ACAN: variants seen among roughly 807,000 people sequenced by gnomAD.
ACAN encodes the protein aggrecan.
In ACAN, 47 loss-of-function variants were observed where a neutral mutation model predicts 169.1. That is an observed-to-expected ratio of 0.28 (90% CI 0.22 to 0.35). The LOEUF (loss-of-function observed/expected upper bound fraction) is 0.35. Ranked by LOEUF, ACAN falls within the 10% of genes least tolerant of loss-of-function variation. ACAN has a pLI of 1.00. For synonymous variants in ACAN, 1,115 were observed against 1,112.2 expected, an observed-to-expected ratio of 1.00 and a Z score of -0.05; for missense variants, 2,716 against 2,759.9, an observed-to-expected ratio of 0.98 and a Z score of 0.36.
Position 88,840,175 on chromosome 15 carries a change from C to T in ACAN, c.618C>T (p.Asp206=). The change falls in exon 4 of 19, where the codon GAC becomes GAT. Residue 206 remains aspartate, a synonymous_variant. Coordinates refer to ENST00000560601, the MANE Select transcript of ACAN (RefSeq NM_001369268.1). ...FHQCDAGWLA[D]QTVRYPIHTP... is the part of the protein sequence containing the mutation. ...AGTGTGACGCCGGCTGGCTGGCTGACCAGACTGTCAGGTGAGCCCTAGCCC... is the reference window on the plus strand; with the variant it reads ...AGTGTGACGCCGGCTGGCTGGCTGATCAGACTGTCAGGTGAGCCCTAGCCC... 6.3e-7 allele frequency: 1 copy of T among 1,598,384 alleles called. No homozygotes were observed. The highest frequency in any genetic ancestry group is 1.1e-5 in the South Asian group (1 of 88,450).
rs1229935436 is a variant in ACAN at position 88,845,581 on chromosome 15, C to G, written c.1128C>G (p.Thr376=). The change falls in exon 7 of 19, where the codon ACC becomes ACG. Residue 376 remains threonine, a synonymous_variant. Transcript: ENST00000560601. ...AGGACATCACCGTCCAGACAGTGAC[C>G]TGGCCTGACATGGAGCTGCCACTGC... is the stretch of plus-strand genomic sequence containing the variant. ...GEEDITVQTV[T]WPDMELPLPR... is the part of the protein sequence containing the mutation. 5.6e-6 allele frequency: 9 copies of G among 1,613,900 alleles called. No homozygotes were observed. Among genetic ancestry groups the G allele is most frequent in the Non-Finnish European group, 7.6e-6 (9 of 1,179,914 alleles).
chr15:88,860,045 G>C (rs888720052), intron 12 of ACAN, among the ~76,000 whole-genome samples: 12 of 150,940 alleles, frequency 8.0e-5, no homozygotes, highest in Non-Finnish European at 1.2e-4. Flanking sequence ...GCCGGGCAGC[G>C]GGCACTGGTA....
intron 1 of ACAN, among the ~76,000 whole-genome samples, chr15:88,805,730 A>G (rs1895663387): frequency 6.6e-6 from 1 of 152,212 alleles, no homozygotes; most frequent in Admixed American, 6.5e-5. Context: ...TACTATTATC[A>G]TTCTTAATTC....
At position 88,871,212 on chromosome 15, in the gene ACAN, G is replaced by A. The variant is rs1332840081; in HGVS notation, c.7061-170G>A. Among the ~76,000 whole-genome samples, 1 of 152,140 alleles carries A rather than the reference G, an allele frequency of 6.6e-6. No homozygotes were observed. The highest frequency in any genetic ancestry group is 1.5e-5 in the Non-Finnish European group (1 of 68,020). On this transcript the variant is annotated intron_variant, in intron 14 of 18. Transcript: ENST00000560601. This position sits in a 1 kb window ranked among gnomAD's most constrained non-coding sequence, Gnocchi z 7.8. Reference sequence around the variant, plus strand: ...TGGAAGCATGTGCAGAGGCTCCCAGGGACCAGACCAGTTTCCAACCTGAAC... The same window carrying A: ...TGGAAGCATGTGCAGAGGCTCCCAGAGACCAGACCAGTTTCCAACCTGAAC...
At position 88,871,655 on chromosome 15, in the gene ACAN, G is replaced by A; in HGVS notation, c.7219+115G>A. The A allele has an allele frequency of 7.4e-7, 1 of 1,355,438 alleles. No homozygotes were observed. Among genetic ancestry groups the A allele is most frequent in the Non-Finnish European group, 9.9e-7 (1 of 1,008,312 alleles). The allele number at this position is 1,355,438 out of a possible 1,614,324, so 84.0% of individuals were successfully genotyped here. ...CGTGAGACTGCAGGACAGGGACCTG[G>A]GGGAGGGGGAACAGTGTTCCCACAG... On this transcript the variant is annotated intron_variant, in intron 15 of 18. Transcript: ENST00000560601. This position sits in a 1 kb window ranked among gnomAD's most constrained non-coding sequence, Gnocchi z 7.8.
chr15:88,829,879 T>C (rs1353635648), intron 1 of ACAN, among the ~76,000 whole-genome samples: 1 of 152,222 alleles, frequency 6.6e-6, no homozygotes, highest in Non-Finnish European at 1.5e-5. Context: ...ATTTAAGACT[T>C]GATTTTCAAA....
In ACAN at chr15:88,866,723, T is replaced by A. The variant is rs1402240105; in HGVS notation, c.6947-1493T>A. 6.6e-6 allele frequency among the ~76,000 whole-genome samples: 1 copy of A among 152,218 alleles called. No individual in the cohort carries two copies. The highest frequency in any genetic ancestry group is 1.5e-5 in the Non-Finnish European group (1 of 68,040). On this transcript the variant is annotated intron_variant, in intron 13 of 18. Coordinates refer to ENST00000560601, the MANE Select transcript of ACAN (RefSeq NM_001369268.1). The surrounding 1 kb of genome is among the most constrained non-coding windows in gnomAD (Gnocchi z 5.6). ...ATCCGCCTCTGGCCTAGAAGATGTC[T>A]ACTATGCACCAGCGTAAGGACTCAG...
intron 7 of ACAN, among the ~76,000 whole-genome samples, chr15:88,846,838 A>G (rs1433523678): frequency 2.0e-5 from 3 of 152,234 alleles, no homozygotes; most frequent in Non-Finnish European, 4.4e-5. Flanking sequence ...CAGAAGCCAC[A>G]TAGCCCACAA....
chr15:88,804,177 T>A (rs972206173), intron 1 of ACAN, among the ~76,000 whole-genome samples: 2 of 152,184 alleles, frequency 1.3e-5, no homozygotes, highest in African/African-American at 4.8e-5. Context: ...GAATGTGGGT[T>A]CAAATCCCCG....
chr15:88,817,849 G>GAAAAAAAAA (rs10710630), intron 1 of ACAN, among the ~76,000 whole-genome samples: 65 of 73,368 alleles, frequency 8.9e-4, no homozygotes, highest in African/African-American at 1.1e-3. Context: ...GTGAGACTCT[G>GAAAAAAAAA]AAAAAAAAAA....
chr15:88,864,227 C>T (rs1897246883), intron 13 of ACAN, among the ~76,000 whole-genome samples: 1 of 151,014 alleles, frequency 6.6e-6, no homozygotes, highest in African/African-American at 2.4e-5. Context: ...CTTTAAAATA[C>T]AAAAGATTTG....
rs757896854 is a variant in ACAN, at chr15:88,860,333, C to T, written c.6840C>T (p.Ala2280=). Residue 2280 remains alanine (A), a synonymous_variant, in exon 13 of 19, where the codon GCC becomes GCT. Coordinates refer to ENST00000560601, the MANE Select transcript of ACAN (RefSeq NM_001369268.1). ...RESESTAAAP[A]RSCAEEPCGA... ...CTCCCCTGGGGGTTGCAGCCCCCGC[C>T]AGGTCCTGTGCAGAGGAGCCCTGTG... 28 of 1,610,626 alleles carry T rather than the reference C, an allele frequency of 1.7e-5. No homozygotes were observed. The highest frequency in any genetic ancestry group is 2.3e-5 in the Non-Finnish European group (27 of 1,178,736).
rs1051651391 is a variant in ACAN at position 88,803,721 on chromosome 15, A to C, written c.-96A>C. 2 of 152,032 alleles carry C rather than the reference A, an allele frequency of 1.3e-5. No homozygotes were observed. Among genetic ancestry groups the C allele is most frequent in the Non-Finnish European group, 2.9e-5 (2 of 68,076 alleles). The allele number at this position is 152,032 out of a possible 1,614,324, so 9.4% of individuals were successfully genotyped here. ...AGCGTCTCCCTCGCTACGCAGCGAG[A>C]CCCGGGCCTCCCGGCCCCAGGAGCC... On this transcript the variant is annotated 5_prime_UTR_variant, in exon 1 of 19. Coordinates refer to ENST00000560601, the MANE Select transcript of ACAN (RefSeq NM_001369268.1).
Position 88,870,176 on chromosome 15 carries a change from T to C in ACAN, c.7061-1206T>C, listed in dbSNP as rs1897348677. On this transcript the variant is annotated intron_variant, in intron 14 of 18. Coordinates refer to ENST00000560601, the MANE Select transcript of ACAN (RefSeq NM_001369268.1). The surrounding 1 kb of genome is among the most constrained non-coding windows in gnomAD (Gnocchi z 6.3). ...TCAAGCTGCTGACCCCCTGTTCTGC[T>C]CTCCCTCCACTGTCCCCAACTGTCT... Among the ~76,000 whole-genome samples the C allele has an allele frequency of 6.6e-6, 1 of 152,030 alleles. No individual in the cohort carries two copies. The highest frequency in any genetic ancestry group is 1.5e-5 in the Non-Finnish European group (1 of 68,006).
At position 88,854,997 on chromosome 15, in the gene ACAN, ACCATTCCCCTCAGTGAGG is replaced by A. The variant is rs1897015618; in HGVS notation, c.2428_2445del (p.Arg810_Val815del). ...CAGAGGAGCCATCCCCCTCAGAGGAACCATTCCCCTCAGTGAGGCCATTCCCCTCAGTGGAGCTGTTCC... is the reference window on the plus strand; with the variant it reads ...CAGAGGAGCCATCCCCCTCAGAGGAACCATTCCCCTCAGTGGAGCTGTTCC... On this transcript the variant is annotated inframe_deletion, in exon 12 of 19. Coordinates refer to ENST00000560601, the MANE Select transcript of ACAN (RefSeq NM_001369268.1). The A allele has an allele frequency of 6.3e-7, 1 of 1,594,912 alleles. No individual in the cohort carries two copies.
Position 88,873,097 on chromosome 15 carries a change from G to C in ACAN, c.7447+72G>C. The stretch of plus-strand genomic sequence containing the variant: ...TCCAGCTACAGGTGAGGCTCTTGCT[G>C]TGTGGCCTGGGGTGAGTCCCTTGTC... On this transcript the variant is annotated intron_variant, in intron 17 of 18. Coordinates refer to ENST00000560601, the MANE Select transcript of ACAN (RefSeq NM_001369268.1). The surrounding 1 kb of genome is among the most constrained non-coding windows in gnomAD (Gnocchi z 7.5). 2 of 1,541,024 alleles carry C rather than the reference G, an allele frequency of 1.3e-6. No homozygotes were observed. Among genetic ancestry groups the C allele is most frequent in the South Asian group, 1.2e-5 (1 of 80,704 alleles).
intron 6 of ACAN, among the ~76,000 whole-genome samples, chr15:88,844,017 C>A (rs549886693): frequency 1.1e-4 from 16 of 152,314 alleles, no homozygotes; most frequent in Non-Finnish European, 2.1e-4. Context: ...GGGTGCCCGC[C>A]TGCAAAGACG....
At chr15:88,853,338 T>TA (rs139370760) in intron 11 of ACAN, among the ~76,000 whole-genome samples, 4,132 of 152,090 alleles carry the variant, frequency 0.027, 195 homozygotes, top group African/African-American at 0.095. Flanking sequence ...TGACTTGCTT[T>TA]AAAAAAAAGA....
chr15:88,834,385 G>A (rs532044452), intron 1 of ACAN, among the ~76,000 whole-genome samples: 160 of 152,298 alleles, frequency 1.1e-3, no homozygotes, highest in African/African-American at 3.6e-3. Flanking sequence ...CCTGCCCCTG[G>A]CATTCCTGGA....
Sources: gnomAD v4.1 joint callset for allele counts (sites outside exome capture counted in the v4.1 genomes callset) on GRCh38, gnomAD v4.1.1 for gene constraint, Gnocchi (gnomAD v3.1) non-coding constraint, MANE v1.5 for transcripts, NCBI Gene and HGNC (gene_info 2026-07-23, HGNC 2026-07-21) for gene names.